The following TMEM178B variants were observed in gnomAD, a reference collection of about 807,000 sequenced individuals.
The protein encoded by TMEM178B is transmembrane protein 178B.
In TMEM178B, 5 loss-of-function variants were observed where a neutral mutation model predicts 31.0. The observed-to-expected ratio is 0.16, with a 90% CI of 0.08 to 0.34. The LOEUF (loss-of-function observed/expected upper bound fraction) is 0.34, where lower values mean the gene tolerates loss of function less well. Among genes scored for constraint, TMEM178B ranks in the 10% least tolerant of loss-of-function variants. The probability of loss-of-function intolerance (pLI) is 1.00; values close to 1 mark genes in which losing one functional copy is unlikely to be tolerated. For synonymous variants in TMEM178B, 164 were observed against 164.0 expected (o/e 1.00, Z 0.00); for missense variants, 275 against 400.3 (o/e 0.69, Z 2.67).
Position 141,262,474 on chromosome 7 carries a change from AATATATATAT to A in TMEM178B, c.496+49791_496+49800del, listed in dbSNP as rs10570183. On this transcript the variant is annotated intron_variant, in intron 2 of 3. Coordinates refer to ENST00000565468, the MANE Select transcript of TMEM178B (RefSeq NM_001195278.2). ...AATGGAAAGCTTGATAAATACATAT[AATATATATAT>A]ATATATATATATATATATATCCCTC... Among the ~76,000 whole-genome samples, 33 of 131,852 alleles carry A rather than the reference AATATATATAT, an allele frequency of 2.5e-4. 1 individual carries two copies. Among genetic ancestry groups the A allele is most frequent in the South Asian group, 1.8e-3 (7 of 3,794 alleles). 86.5% of individuals were successfully genotyped at this position (131,852 alleles called of 152,430 possible).
At chr7:141,485,051 G>A (rs145541596), downstream of TMEM178B, among the ~76,000 whole-genome samples, 3 of 152,292 alleles carry the variant, frequency 2.0e-5, no homozygotes, top group African/African-American at 4.8e-5. Context: ...TAATGAGCAG[G>A]TGTCAGGGAA....
intron 2 of TMEM178B, among the ~76,000 whole-genome samples, chr7:141,343,381 A>C (rs1178482051): frequency 1.3e-5 from 2 of 151,746 alleles, no homozygotes; most frequent in Non-Finnish European, 2.9e-5. Context: ...GTGGGGTGGC[A>C]CTCCCCATGT....
intron 1 of TMEM178B, among the ~76,000 whole-genome samples, chr7:141,155,996 C>T (rs769703417): frequency 2.6e-5 from 4 of 152,038 alleles, no homozygotes; most frequent in African/African-American, 7.3e-5. Flanking sequence ...ACCCAGGAGG[C>T]GGAGGCTGCA....
At chr7:141,173,645 C>T in intron 1 of TMEM178B, among the ~76,000 whole-genome samples, 1 of 152,122 alleles carries the variant, frequency 6.6e-6, no homozygotes, top group East Asian at 1.9e-4. Flanking sequence ...TGAATGTCAA[C>T]CTCAATCAAT....
At position 141,171,328 on chromosome 7, in the gene TMEM178B, G is replaced by A. The variant is rs1796346412; in HGVS notation, c.383-41263G>A. Among the ~76,000 whole-genome samples, 1 of 152,150 alleles carries A rather than the reference G, an allele frequency of 6.6e-6. No homozygotes were observed. The highest frequency in any genetic ancestry group is 1.5e-5 in the Non-Finnish European group (1 of 68,040). On this transcript the variant is annotated intron_variant, in intron 1 of 3. Transcript: ENST00000565468. This position sits in a 1 kb window ranked among gnomAD's most constrained non-coding sequence, Gnocchi z 4.3. ...TTTTAGACTTTTTACTATGTGATAG[G>A]CAGTGTTCTAAGTGCTTACACACAT...
chr7:141,430,037 A>C (rs1801394423), intron 2 of TMEM178B: 1 of 152,254 alleles, frequency 6.6e-6, no homozygotes, highest in African/African-American at 2.4e-5. Flanking sequence ...CCCAGGGTTC[A>C]AACAGCCTCT....
intron 2 of TMEM178B, among the ~76,000 whole-genome samples, chr7:141,240,171 C>T (rs1182837425): frequency 6.6e-6 from 1 of 152,120 alleles, no homozygotes; most frequent in Non-Finnish European, 1.5e-5. Flanking sequence ...TGGGTAGTGG[C>T]TACTGTATTG....
At chr7:141,358,889 G>A (rs980756756) in intron 2 of TMEM178B, among the ~76,000 whole-genome samples, 18 of 152,164 alleles carry the variant, frequency 1.2e-4, no homozygotes, top group Non-Finnish European at 2.6e-4. Flanking sequence ...AGCTTTATTA[G>A]TTACTAAAAG....
chr7:141,497,974 G>A, the TMEM178B span, among the ~76,000 whole-genome samples: 2 of 152,138 alleles, frequency 1.3e-5, no homozygotes, highest in Non-Finnish European at 2.9e-5. Flanking sequence ...TTTCATAACT[G>A]TGTGAGCTTG....
At chr7:141,361,020 T>C (rs1165454465) in intron 2 of TMEM178B, among the ~76,000 whole-genome samples, 1 of 152,144 alleles carries the variant, frequency 6.6e-6, no homozygotes, top group African/African-American at 2.4e-5. Context: ...AATCAATGAA[T>C]AGGTCTTCTC....
intron 1 of TMEM178B, among the ~76,000 whole-genome samples, chr7:141,150,892 A>T (rs1032624385): frequency 6.6e-6 from 1 of 152,258 alleles, no homozygotes; most frequent in East Asian, 1.9e-4. Flanking sequence ...ATAATATGGA[A>T]GAAAAGAGCT....
At chr7:141,148,321 TACTC>T (rs1298128256) in intron 1 of TMEM178B, among the ~76,000 whole-genome samples, 2 of 152,208 alleles carry the variant, frequency 1.3e-5, no homozygotes, top group Non-Finnish European at 2.9e-5. Context: ...CAAGGTAACA[TACTC>T]ACAGGTTCCA....
chr7:141,395,064 A>G (rs922728534), intron 2 of TMEM178B, among the ~76,000 whole-genome samples: 3 of 152,030 alleles, frequency 2.0e-5, no homozygotes, highest in African/African-American at 4.8e-5. Flanking sequence ...CCTGTTTCCA[A>G]TTGCCTTGTC....
At chr7:141,499,464 CA>C in the TMEM178B span, among the ~76,000 whole-genome samples, 2,733 of 50,582 alleles carry the variant, frequency 0.054, 36 homozygotes, top group African/African-American at 0.12. Flanking sequence ...CACATCTCTA[CA>C]AAAAAAAAAA....
chr7:141,418,741 C>T (rs1294679363), intron 2 of TMEM178B, among the ~76,000 whole-genome samples: 4 of 152,166 alleles, frequency 2.6e-5, no homozygotes, highest in Non-Finnish European at 4.4e-5. Context: ...GCTTTAACTA[C>T]GTGATTTTCA....
chr7:141,179,031 T>C (rs1346345636), intron 1 of TMEM178B, among the ~76,000 whole-genome samples: 1 of 152,194 alleles, frequency 6.6e-6, no homozygotes, highest in Non-Finnish European at 1.5e-5. Flanking sequence ...GAGGTTGATC[T>C]GTAAGTGCCC....
At chr7:141,423,805 GTTTTTTTTTT>G (rs5888005) in intron 2 of TMEM178B, among the ~76,000 whole-genome samples, 2 of 108,798 alleles carry the variant, frequency 1.8e-5, no homozygotes, top group Non-Finnish European at 3.6e-5. Flanking sequence ...TGACATTTGT[GTTTTTTTTTT>G]TTTTTTTTTT....
At chr7:141,438,927 G>A (rs905765844) in intron 3 of TMEM178B, among the ~76,000 whole-genome samples, 1 of 151,210 alleles carries the variant, frequency 6.6e-6, no homozygotes, top group South Asian at 2.1e-4. Flanking sequence ...AGAAATAAAA[G>A]TAAGTCCTGC....
Position 141,344,578 on chromosome 7 carries a change from T to TCCTTCCTTCCTTCCTTCCTTCCCTCCTC in TMEM178B, c.497-93008_497-93007insCTCCTCCCTTCCTTCCTTCCTTCCTTCC, listed in dbSNP as rs1799578342. 5.4e-5 allele frequency among the ~76,000 whole-genome samples: 1 copy of TCCTTCCTTCCTTCCTTCCTTCCCTCCTC among 18,610 alleles called. No individual in the cohort carries two copies. The highest frequency in any genetic ancestry group is 1.9e-4 in the African/African-American group (1 of 5,380). 12.2% of individuals were successfully genotyped at this position (18,610 alleles called of 152,430 possible). ...CTCCCTCCATTCCTCCCTCCTCCCT[T>TCCTTCCTTCCTTCCTTCCTTCCCTCCTC]CCTTCCTTCCTTCCTTCCTTCCTTC... On this transcript the variant is annotated intron_variant, in intron 2 of 3. Transcript: ENST00000565468. This position sits in a 1 kb window ranked among gnomAD's most constrained non-coding sequence, Gnocchi z 4.1.
Sources: gnomAD v4.1 joint callset for allele counts (sites outside exome capture counted in the v4.1 genomes callset) on GRCh38, gnomAD v4.1.1 for gene constraint, Gnocchi (gnomAD v3.1) non-coding constraint, MANE v1.5 for transcripts, NCBI Gene and HGNC (gene_info 2026-07-23, HGNC 2026-07-21) for gene names.